Variants in MMP26 observed in about 807,000 individuals in gnomAD.
MMP26 encodes matrix metalloproteinase-26.
Under a neutral mutation model 31.0 loss-of-function variants are expected in MMP26, and 33 were observed. That is an observed-to-expected ratio of 1.06 (90% CI 0.81 to 1.42). The LOEUF is 1.42. Ranked by LOEUF, MMP26 falls within the 40% of genes most tolerant of loss-of-function variation. The pLI is 0.00. For synonymous variants in MMP26, 122 were observed against 114.9 expected, an observed-to-expected ratio of 1.06 and a Z score of -0.40; for missense variants, 347 against 316.1, an observed-to-expected ratio of 1.10 and a Z score of -0.74.
At chr11:4,930,202 A>G (rs1267348904) in intron 2 of MMP26, among the ~76,000 whole-genome samples, 1 of 152,116 alleles carries the variant, frequency 6.6e-6, no homozygotes, top group African/African-American at 2.4e-5. Flanking sequence ...GATTCTAAAG[A>G]TAATTGAGTC....
At chr11:4,781,351 TC>T (rs1848858033) in intron 2 of MMP26, among the ~76,000 whole-genome samples, 3 of 71,738 alleles carry the variant, frequency 4.2e-5, no homozygotes, top group Admixed American at 3.5e-4. Flanking sequence ...ATCGAGACCA[TC>T]CTGGCTAACA....
intron 2 of MMP26, among the ~76,000 whole-genome samples, chr11:4,840,679 A>G (rs1589916459): frequency 6.6e-6 from 1 of 152,226 alleles, no homozygotes. Context: ...CCCTTGAAAT[A>G]TCTATAAAGC....
chr11:4,898,829 CTCTGTGTGTGTGTGTGTGTGTGTGTG>C (rs1460185150), intron 2 of MMP26, among the ~76,000 whole-genome samples: 3 of 125,428 alleles, frequency 2.4e-5, no homozygotes, highest in Admixed American at 8.1e-5. Context: ...CTCTCTCTCT[CTCTGTGTGTGTGTGTGTGTGTGTGTG>C]TGTGTGTGTG....
chr11:4,915,614 A>C lies in MMP26; in HGVS notation c.-144-72454A>C, dbSNP rs1851075060. ...CAGCCCAGGGATGCCACTCAGCAGG[A>C]AGGTAGCAGAAACGCTGCTGCTGCT... On this transcript the variant is annotated intron_variant, in intron 2 of 7. Coordinates refer to ENST00000380390, the MANE Select transcript of MMP26 (RefSeq NM_021801.5). 13 of 1,613,970 alleles carry C rather than the reference A, an allele frequency of 8.1e-6. No homozygotes were observed. The highest frequency in any genetic ancestry group is 1.0e-5 in the Non-Finnish European group (12 of 1,179,916).
chr11:4,901,330 T>C (rs1458299774), intron 2 of MMP26, among the ~76,000 whole-genome samples: 1 of 151,862 alleles, frequency 6.6e-6, no homozygotes, highest in African/African-American at 2.4e-5. Context: ...TGGCTAATTT[T>C]TTTGTATTTT....
At chr11:4,809,143 A>T (rs1849316950) in intron 2 of MMP26, among the ~76,000 whole-genome samples, 1 of 152,094 alleles carries the variant, frequency 6.6e-6, no homozygotes, top group Non-Finnish European at 1.5e-5. Flanking sequence ...CTTCTTCCCT[A>T]GTACTTCTTT....
intron 2 of MMP26, chr11:4,848,542 A>G: frequency 6.2e-7 from 1 of 1,612,834 alleles, no homozygotes; most frequent in Non-Finnish European, 8.5e-7. Context: ...CCATAGGAGA[A>G]GAAAATAAGC....
rs1053825741 is a variant in MMP26 at position 4,898,002 on chromosome 11, T to A, written c.-144-90066T>A. On this transcript the variant is annotated intron_variant, in intron 2 of 7. Transcript: ENST00000380390. ...AAAAAGTTTCTATTTTCTCATATAT[T>A]CACCCCTTTGTCATTTTTTATTCTT... Among the ~76,000 whole-genome samples the A allele has an allele frequency of 2.0e-5, 3 of 149,836 alleles. No homozygotes were observed. The South Asian group carries it at 6.2e-4, about 31-fold the overall frequency.
At chr11:4,722,692 G>T (rs1268348226) in intron 1 of MMP26, 2 of 732,746 alleles carry the variant, frequency 2.7e-6, no homozygotes, top group South Asian at 3.1e-5. Flanking sequence ...GTGCTTTCCC[G>T]CAGCCGCAGG....
chr11:4,784,936 T>C (rs76415953), intron 2 of MMP26, among the ~76,000 whole-genome samples: 14,428 of 152,236 alleles, frequency 0.095, 850 homozygotes, highest in Middle Eastern at 0.15. Context: ...TTCAAGATGG[T>C]GGAAAGAGAA....
chr11:4,992,024 C>T lies in MMP26; in HGVS notation c.656C>T (p.Ser219Phe). The T allele has an allele frequency of 6.2e-7, 1 of 1,613,776 alleles. No individual in the cohort carries two copies. The highest frequency in any genetic ancestry group is 1.1e-5 in the South Asian group (1 of 91,048). ...GGGCATTCTTTGGGCCTGCAGCACTCTGGGAATCAGAGCTCCATAATGTAC... is the reference window on the plus strand; with the variant it reads ...GGGCATTCTTTGGGCCTGCAGCACTTTGGGAATCAGAGCTCCATAATGTAC... Reference protein sequence around the residue: ...EIGHSLGLQHSGNQSSIMYPT... With the variant: ...EIGHSLGLQHFGNQSSIMYPT... Residue 219 changes from serine (S) to phenylalanine (F), a missense_variant, in exon 7 of 8, where the codon TCT becomes TTT. Transcript: ENST00000380390.
At chr11:4,955,662 C>T in intron 2 of MMP26, 3 of 1,536,092 alleles carry the variant, frequency 2.0e-6, no homozygotes, top group Non-Finnish European at 2.7e-6. Context: ...CCTGGCATCC[C>T]AACCAAGAAG....
chr11:4,925,817 TTG>T (rs1403140719), intron 2 of MMP26, among the ~76,000 whole-genome samples: 1 of 152,162 alleles, frequency 6.6e-6, no homozygotes, highest in Non-Finnish European at 1.5e-5. Flanking sequence ...GTTTGTTTGT[TTG>T]TTTTTTAGAC....
chr11:4,789,556 T>TG, intron 2 of MMP26, among the ~76,000 whole-genome samples: 1 of 134,820 alleles, frequency 7.4e-6, no homozygotes, highest in South Asian at 2.4e-4. Context: ...TTTTTTTTTT[T>TG]TTTGAGATGG....
chr11:4,926,189 A>T (rs913822063), intron 2 of MMP26, among the ~76,000 whole-genome samples: 1 of 152,124 alleles, frequency 6.6e-6, no homozygotes, highest in African/African-American at 2.4e-5. Flanking sequence ...ATATAAGAAT[A>T]AAACCATTCT....
rs1168945575 is a variant in MMP26, at chr11:4,992,416, G to T, written c.*174G>T. On this transcript the variant is annotated 3_prime_UTR_variant, in exon 8 of 8. Coordinates refer to ENST00000380390, the MANE Select transcript of MMP26 (RefSeq NM_021801.5). Reference sequence around the variant, plus strand: ...ACGCTACTGAGTCACAATAAAGATTGTTTTAAAGAGTAATATTTTGTCCTC... The same window carrying T: ...ACGCTACTGAGTCACAATAAAGATTTTTTTAAAGAGTAATATTTTGTCCTC... 1 of 623,396 alleles carries T rather than the reference G, an allele frequency of 1.6e-6. No homozygotes were observed. Among genetic ancestry groups the T allele is most frequent in the Non-Finnish European group, 2.9e-6 (1 of 349,298 alleles). The allele number at this position is 623,396 out of a possible 1,614,324, so 38.6% of individuals were successfully genotyped here.
chr11:4,729,773 G>A (rs1164375489), intron 1 of MMP26, among the ~76,000 whole-genome samples: 2 of 151,944 alleles, frequency 1.3e-5, no homozygotes, highest in Non-Finnish European at 1.5e-5. Context: ...TGTCAAAAGT[G>A]CAAATGAGAA....
intron 2 of MMP26, among the ~76,000 whole-genome samples, chr11:4,770,378 T>A (rs2412435): frequency 0.33 from 49,651 of 152,098 alleles, 9,698 homozygotes; most frequent in African/African-American, 0.53. Flanking sequence ...TCTCCAGATA[T>A]TTGCCAGGAA....
At chr11:4,930,288 A>G (rs773645206) in intron 2 of MMP26, among the ~76,000 whole-genome samples, 143 of 152,200 alleles carry the variant, frequency 9.4e-4, no homozygotes, top group Non-Finnish European at 1.5e-3. Context: ...TCCCACTTGA[A>G]GAAACCATTT....
Sources: allele counts gnomAD v4.1 joint callset (sites outside exome capture counted in the v4.1 genomes callset), GRCh38; gene constraint gnomAD v4.1.1; transcripts MANE v1.5; gene names NCBI Gene and HGNC (gene_info 2026-07-23, HGNC 2026-07-21).